SVEP1: variants seen among roughly 807,000 people sequenced by gnomAD.
SVEP1 encodes sushi, von Willebrand factor type A, EGF and pentraxin domain containing 1.
SVEP1 carries 164 observed loss-of-function variants against 367.3 expected under a neutral mutation model. The observed-to-expected ratio is 0.45, with a 90% confidence interval of 0.39 to 0.51. SVEP1 has a LOEUF of 0.51. Among genes scored for constraint, SVEP1 ranks in the 20% least tolerant of loss-of-function variants. The pLI, the probability that SVEP1 is intolerant of heterozygous loss-of-function variation, is 0.00. For missense variants in SVEP1, 4,117 were observed against 4,425.3 expected, an observed-to-expected ratio of 0.93 and a Z score of 1.98; for synonymous variants, 1,666 against 1,611.6, an observed-to-expected ratio of 1.03 and a Z score of -0.81.
In SVEP1 at chr9:110,386,053, A is replaced by G. The variant is rs1048142151; in HGVS notation, c.10082T>C (p.Phe3361Ser). Residue 3361 changes from phenylalanine to serine, a missense_variant, in exon 43 of 48, where the codon TTT becomes TCT. By Grantham distance (155) the Phe-to-Ser change is radical (BLOSUM62 -2). Around this residue, in one of 4 missense-constraint regions of SVEP1, gnomAD observed 1,765 missense variants for 1,781.1 expected, o/e 0.99. Transcript: ENST00000374469. ...CAGCAGAGCATTCTCGGGAATCACA[A>G]AAGGAACAGGGCATGGATTTGCTGT... ...LCKPNPCPVPFVIPENALLSE... is the reference protein window; with the variant it reads ...LCKPNPCPVPSVIPENALLSE... 9 of 1,613,682 alleles carry G rather than the reference A, an allele frequency of 5.6e-6. No homozygotes were observed. The highest frequency in any genetic ancestry group is 5.9e-6 in the Non-Finnish European group (7 of 1,179,734).
rs2118662376 is a variant in SVEP1, at chr9:110,469,075, T to C, written c.3025A>G (p.Asn1009Asp). 1.9e-6 allele frequency: 3 copies of C among 1,613,178 alleles called. No individual in the cohort carries two copies. The highest frequency in any genetic ancestry group is 1.1e-5 in the South Asian group (1 of 90,868). ...CTTTCACAGGTGAAATGTTCCAGAT[T>C]ATAATAGGTTCCCAAAGGGCAATTG... is the stretch of plus-strand genomic sequence containing the variant. ...CVNCPLGTYYNLEHFTCESCR... is the reference protein window; with the variant it reads ...CVNCPLGTYYDLEHFTCESCR... Residue 1009 changes from asparagine (N) to aspartate (D), a missense_variant, in exon 17 of 48, where the codon AAT becomes GAT. Asn to Asp is a conservative substitution (Grantham distance 23). Around this residue, in one of 4 missense-constraint regions of SVEP1, gnomAD observed 2,174 missense variants for 2,494.3 expected, o/e 0.87. Transcript: ENST00000374469.
At chr9:110,537,321 C>T (rs936193361) in intron 3 of SVEP1, among the ~76,000 whole-genome samples, 2 of 151,918 alleles carry the variant, frequency 1.3e-5, no homozygotes, top group Non-Finnish European at 2.9e-5. Context: ...TCCATGGATA[C>T]ATGAACTAAT....
intron 35 of SVEP1, among the ~76,000 whole-genome samples, 166 bp downstream of exon 35, chr9:110,428,977 G>A (rs1392721048): frequency 1.3e-5 from 2 of 152,212 alleles, no homozygotes; most frequent in Non-Finnish European, 2.9e-5. Flanking sequence ...GCTGAAGTGG[G>A]AGGATCGCTT....
intron 3 of SVEP1, among the ~76,000 whole-genome samples, chr9:110,514,513 CAAAAA>C (rs71978747): frequency 9.1e-6 from 1 of 109,426 alleles, no homozygotes; most frequent in Non-Finnish European, 1.9e-5. Flanking sequence ...AACTCCATCT[CAAAAA>C]AAAAAAAAAA....
rs1827952351 is a variant in SVEP1 at position 110,406,240 on chromosome 9, C to A, written c.9360G>T (p.Leu3120Phe). Residue 3120 changes from leucine (L) to phenylalanine (F), a missense_variant, in exon 38 of 48, where the codon TTG (leucine) becomes TTT (phenylalanine). This residue lies in a region of SVEP1 where 1,765 missense variants were observed against 1,781.1 expected (regional missense o/e 0.99). Coordinates refer to ENST00000374469, the MANE Select transcript of SVEP1 (RefSeq NM_153366.4). Reference sequence around the variant, plus strand: ...CGACAGACGGTGGGGACCCACAGGACAAGGGCTCACAGACTGGATAAGGCT... The same window carrying A: ...CGACAGACGGTGGGGACCCACAGGAAAAGGGCTCACAGACTGGATAAGGCT... ...WSQPYPVCEPLSCGSPPSVAN... is the reference protein window; with the variant it reads ...WSQPYPVCEPFSCGSPPSVAN... 5 of 1,613,402 alleles carry A rather than the reference C, an allele frequency of 3.1e-6. No homozygotes were observed. The highest frequency in any genetic ancestry group is 4.2e-6 in the Non-Finnish European group (5 of 1,179,626).
At chr9:110,388,966 T>TTAAAAA (rs61005301) in intron 41 of SVEP1, among the ~76,000 whole-genome samples, 2 of 151,920 alleles carry the variant, frequency 1.3e-5, no homozygotes, top group African/African-American at 2.4e-5. Flanking sequence ...GAGACTCTAT[T>TTAAAAA]TAAAAATAAA....
chr9:110,556,384 C>G (rs868465564), intron 1 of SVEP1, among the ~76,000 whole-genome samples: 4 of 152,174 alleles, frequency 2.6e-5, no homozygotes, highest in Non-Finnish European at 5.9e-5. Context: ...AATTAAACTA[C>G]GTGCCGATAT....
chr9:110,490,545 T>G (rs1005734974), intron 8 of SVEP1, among the ~76,000 whole-genome samples: 3 of 151,640 alleles, frequency 2.0e-5, no homozygotes, highest in African/African-American at 7.3e-5. Flanking sequence ...TGAGATCTAC[T>G]TTTTTTTAGC....
At chr9:110,575,723 AC>A (rs1478764948) in intron 1 of SVEP1, among the ~76,000 whole-genome samples, 1 of 152,186 alleles carries the variant, frequency 6.6e-6, no homozygotes, top group Non-Finnish European at 1.5e-5. Context: ...TATTTGCCAC[AC>A]ACTTGGGTCA....
chr9:110,448,610 T>C (rs757307946), intron 24 of SVEP1, among the ~76,000 whole-genome samples: 3 of 152,226 alleles, frequency 2.0e-5, no homozygotes, highest in African/African-American at 7.2e-5. Context: ...ATCTATGAAA[T>C]AGATTCACTT....
intron 47 of SVEP1, among the ~76,000 whole-genome samples, chr9:110,368,076 T>TA (rs965685046): frequency 0.011 from 1,654 of 148,342 alleles, 20 homozygotes; most frequent in African/African-American, 0.036. Context: ...GACTCTGTCT[T>TA]AAAAAAAAAA....
At chr9:110,546,379 G>C in intron 2 of SVEP1, 88 bp from the exon 3 acceptor site, 4 of 1,396,534 alleles carry the variant, frequency 2.9e-6, no homozygotes, top group Non-Finnish European at 3.9e-6. Flanking sequence ...GTGCAAGCTG[G>C]AGAAAATATC....
intron 40 of SVEP1, among the ~76,000 whole-genome samples, chr9:110,392,319 GT>G (rs1268431091): frequency 6.6e-6 from 1 of 151,896 alleles, no homozygotes; most frequent in Admixed American, 6.6e-5. Context: ...TCCTGTATCT[GT>G]TCCCACAGAT....
At position 110,579,035 on chromosome 9, in the gene SVEP1, T is replaced by C; in HGVS notation, c.509A>G (p.Lys170Arg). Residue 170 changes from lysine to arginine, a missense_variant, in exon 1 of 48, where the codon AAG becomes AGG. By Grantham distance (26) the Lys-to-Arg change is conservative (BLOSUM62 2). Transcript: ENST00000374469. The surrounding 1 kb of genome is among the most constrained non-coding windows in gnomAD (Gnocchi z 5.3). Reference sequence around the variant, plus strand: ...TACCGCGGCTTGCTGGAAGGCGCCCTTGGTGTAGGTGCCGCCACCTCGGTA... The same window carrying C: ...TACCGCGGCTTGCTGGAAGGCGCCCCTGGTGTAGGTGCCGCCACCTCGGTA... Reference protein sequence around the residue: ...ISYRGGGTYTKGAFQQAAQIL... With the variant: ...ISYRGGGTYTRGAFQQAAQIL... 1 of 1,547,684 alleles carries C rather than the reference T, an allele frequency of 6.5e-7. No homozygotes were observed. Among genetic ancestry groups the C allele is most frequent in the East Asian group, 2.5e-5 (1 of 40,756 alleles).
At chr9:110,575,218 C>T (rs1368839975) in intron 1 of SVEP1, among the ~76,000 whole-genome samples, 1 of 152,206 alleles carries the variant, frequency 6.6e-6, no homozygotes, top group Admixed American at 6.5e-5. Context: ...GTAGGCAATT[C>T]CTCTGTTCAA....
chr9:110,541,098 T>C (rs750275495), intron 3 of SVEP1, among the ~76,000 whole-genome samples: 4 of 152,144 alleles, frequency 2.6e-5, no homozygotes, highest in Non-Finnish European at 5.9e-5. Context: ...ACAAATTTAC[T>C]ACATGATGAT....
chr9:110,549,912 G>A lies in SVEP1; in HGVS notation c.724C>T (p.His242Tyr). ...TCAAAACTGTGTAGCAGGTAACAGT[G>A]CTCCTCCTTTGGGGTGGAAGCCATG... ...NDMASTPKEE[H>Y]CYLLHSFEEF... is the part of the protein sequence containing the mutation. Residue 242 changes from histidine (H) to tyrosine (Y), a missense_variant, in exon 2 of 48, where the codon CAC (histidine) becomes TAC (tyrosine). By Grantham distance (83) the His-to-Tyr change is moderately conservative. Around this residue, in one of 4 missense-constraint regions of SVEP1, gnomAD observed 2,174 missense variants for 2,494.3 expected, o/e 0.87. Coordinates refer to ENST00000374469, the MANE Select transcript of SVEP1 (RefSeq NM_153366.4). The A allele has an allele frequency of 6.2e-7, 1 of 1,613,926 alleles. No individual in the cohort carries two copies. The highest frequency in any genetic ancestry group is 1.6e-4 in the Middle Eastern group (1 of 6,062).
At chr9:110,553,044 G>T (rs995158892) in intron 1 of SVEP1, among the ~76,000 whole-genome samples, 2 of 152,180 alleles carry the variant, frequency 1.3e-5, no homozygotes, top group Admixed American at 1.3e-4. Context: ...GCAGGAGATA[G>T]CTGCATTAAA....
intron 1 of SVEP1, among the ~76,000 whole-genome samples, chr9:110,555,901 T>C (rs1330794726): frequency 2.6e-5 from 4 of 152,156 alleles, no homozygotes; most frequent in African/African-American, 4.8e-5. Context: ...AAGAAGTAAA[T>C]AGATCTGTGG....
Sources: allele counts gnomAD v4.1 joint callset (sites outside exome capture counted in the v4.1 genomes callset), GRCh38; gene constraint gnomAD v4.1.1; regional missense constraint gnomAD v4.1.1; non-coding constraint Gnocchi (gnomAD v3.1); transcripts MANE v1.5; gene names NCBI Gene and HGNC (gene_info 2026-07-23, HGNC 2026-07-21).